Variants in PSMF1 observed in about 807,000 individuals in gnomAD.
PSMF1 encodes proteasome inhibitor PI31 subunit.
A neutral mutation model predicts 29.3 loss-of-function variants in PSMF1; 30 were observed. That is an observed-to-expected ratio of 1.02 (90% CI 0.77 to 1.39). PSMF1 has a LOEUF of 1.39. PSMF1 is among the 40% of genes most tolerant of loss of function. The pLI is 0.00. For synonymous variants in PSMF1, 134 were observed against 139.7 expected, an observed-to-expected ratio of 0.96 and a Z score of 0.29; for missense variants, 344 against 357.5, an observed-to-expected ratio of 0.96 and a Z score of 0.31.
chr20:1,131,164 C>T (rs896099604), intron 3 of PSMF1, among the ~76,000 whole-genome samples: 9 of 152,268 alleles, frequency 5.9e-5, no homozygotes, highest in African/African-American at 1.9e-4. Flanking sequence ...GGTCTCTTGA[C>T]TTCTTCACTC....
intron 3 of PSMF1, among the ~76,000 whole-genome samples, chr20:1,127,981 T>C (rs551232134): frequency 2.0e-5 from 3 of 151,422 alleles, no homozygotes; most frequent in East Asian, 2.0e-4. Flanking sequence ...ATCCCATACA[T>C]AATGATTCAT....
rs146589863 is a variant in PSMF1, at chr20:1,146,225, G to A, written c.551+10919G>A. On this transcript the variant is annotated intron_variant, in intron 4 of 6. Coordinates refer to ENST00000335877, the MANE Select transcript of PSMF1 (RefSeq NM_006814.5). ...GTGCTGCCTGAGTTGTGTCTTCACC[G>A]GAAAGGGAATTATTTCTTAAACTCT... 6.5e-3 allele frequency among the ~76,000 whole-genome samples: 994 copies of A among 152,142 alleles called. 5 individuals carry two copies. The highest frequency in any genetic ancestry group is 0.011 in the Non-Finnish European group (719 of 67,996).
In PSMF1 at chr20:1,163,001, C is replaced by A; in HGVS notation, c.552-129C>A. 2.1e-6 allele frequency: 2 copies of A among 931,842 alleles called. No individual in the cohort carries two copies. The highest frequency in any genetic ancestry group is 3.4e-6 in the Non-Finnish European group (2 of 596,314). The allele number at this position is 931,842 out of a possible 1,614,324, so 57.7% of individuals were successfully genotyped here. On this transcript the variant is annotated intron_variant, in intron 4 of 6. Coordinates refer to ENST00000335877, the MANE Select transcript of PSMF1 (RefSeq NM_006814.5). This position sits in a 1 kb window ranked among gnomAD's most constrained non-coding sequence, Gnocchi z 6.1. ...ATTGTTCATCTGAGCCAAGGACCAC[C>A]CTGAAATATCCCTTGTGCTATGGTC...
chr20:1,144,841 A>G (rs2086429155), intron 4 of PSMF1, among the ~76,000 whole-genome samples: 1 of 152,212 alleles, frequency 6.6e-6, no homozygotes, highest in South Asian at 2.1e-4. Flanking sequence ...TAACTATTAG[A>G]GGAAACTGAG....
chr20:1,134,691 C>T (rs1244964984), intron 3 of PSMF1: 2 of 283,884 alleles, frequency 7.0e-6, no homozygotes, highest in Non-Finnish European at 1.4e-5. Context: ...CCTTGAACCC[C>T]CAGAGCTCTG....
rs946884769 is a variant in PSMF1, at chr20:1,135,301, T to C, written c.546T>C (p.Pro182=). The C allele has an allele frequency of 6.2e-7, 1 of 1,610,968 alleles. No individual in the cohort carries two copies. The highest frequency in any genetic ancestry group is 8.5e-7 in the Non-Finnish European group (1 of 1,178,336). The change falls in exon 4 of 7, where the codon CCT becomes CCC. Residue 182 remains proline (P), a synonymous_variant. Coordinates refer to ENST00000335877, the MANE Select transcript of PSMF1 (RefSeq NM_006814.5). ...ACCACCCACACACCAGTCGGCAGCC[T>C]CCCTGGTGAGTACAGAGTGCCTAGC... ...PPHHPHTSRQ[P]PWCDPLGPFV... is the part of the protein sequence containing the mutation.
In PSMF1 at chr20:1,168,523, C is replaced by G. The variant is rs562300115; in HGVS notation, c.*3443C>G. ...TTCTTACTGCATTCATCTCCTCAGT[C>G]ATAAGTGTCTGTCAACCTCCGTTGT... is the stretch of plus-strand genomic sequence containing the variant. On this transcript the variant is annotated 3_prime_UTR_variant, in exon 7 of 7. Transcript: ENST00000335877. 1 of 152,434 alleles carries G rather than the reference C, an allele frequency of 6.6e-6. No homozygotes were observed. The highest frequency in any genetic ancestry group is 1.9e-4 in the East Asian group (1 of 5,184). 9.4% of individuals were successfully genotyped at this position (152,434 alleles called of 1,614,324 possible). A position where few individuals can be genotyped will look rare whatever the true frequency, so the allele number is the denominator to read the frequency against.
intron 3 of PSMF1, among the ~76,000 whole-genome samples, chr20:1,132,220 T>C (rs1014910622): frequency 2.0e-5 from 3 of 152,124 alleles, no homozygotes; most frequent in Admixed American, 6.6e-5. Context: ...AAGGTAGTTG[T>C]AGCTATTCTA....
At position 1,165,872 on chromosome 20, in the gene PSMF1, G is replaced by A; in HGVS notation, c.*792G>A. On this transcript the variant is annotated 3_prime_UTR_variant, in exon 7 of 7. Transcript: ENST00000335877. ...AGACCTGAAGGCTAATCTTATTTTT[G>A]CCACTAACTTAGTGAATGACCCTAA... The A allele has an allele frequency of 8.6e-7, 1 of 1,169,374 alleles. No individual in the cohort carries two copies. Among genetic ancestry groups the A allele is most frequent in the South Asian group, 2.6e-5 (1 of 37,944 alleles). The allele number at this position is 1,169,374 out of a possible 1,614,324, so 72.4% of individuals were successfully genotyped here. A position where few individuals can be genotyped will look rare whatever the true frequency, so the allele number is the denominator to read the frequency against.
intron 4 of PSMF1, among the ~76,000 whole-genome samples, chr20:1,143,630 TC>T (rs1347667880): frequency 2.6e-5 from 4 of 152,334 alleles, no homozygotes; most frequent in Middle Eastern, 3.4e-3. Context: ...AAATTGGACT[TC>T]ATTGAAATTT....
In PSMF1 at chr20:1,163,332, A is replaced by T. The variant is rs2086689704; in HGVS notation, c.605+149A>T. On this transcript the variant is annotated intron_variant, in intron 5 of 6. Transcript: ENST00000335877. The surrounding 1 kb of genome is among the most constrained non-coding windows in gnomAD (Gnocchi z 6.1). Reference sequence around the variant, plus strand: ...GCTGAGCAGCTGAGAAAGCACTGCCACATACGCTGCCCCTCCACACCTAGA... The same window carrying T: ...GCTGAGCAGCTGAGAAAGCACTGCCTCATACGCTGCCCCTCCACACCTAGA... 2 of 857,982 alleles carry T rather than the reference A, an allele frequency of 2.3e-6. No homozygotes were observed. 53.1% of individuals were successfully genotyped at this position (857,982 alleles called of 1,614,324 possible).
In PSMF1 at chr20:1,127,434, C is replaced by T; in HGVS notation, c.291C>T (p.Gly97=). 6.2e-7 allele frequency: 1 copy of T among 1,602,804 alleles called. No individual in the cohort carries two copies. Among genetic ancestry groups the T allele is most frequent in the Non-Finnish European group, 8.5e-7 (1 of 1,169,672 alleles). ...SSMILNVLEY[G]SQQVADLTLN... is the part of the protein sequence containing the mutation. ...TATTTTCACCCATCTAGGAATATGG[C>T]TCACAGCAAGTGGCAGACTTGACCC... Residue 97 remains glycine, a synonymous_variant, in exon 3 of 7, where the codon GGC becomes GGT. Coordinates refer to ENST00000335877, the MANE Select transcript of PSMF1 (RefSeq NM_006814.5).
intron 4 of PSMF1, among the ~76,000 whole-genome samples, chr20:1,151,018 C>T (rs1027368773): frequency 6.6e-6 from 1 of 152,238 alleles, no homozygotes; most frequent in Admixed American, 6.5e-5. Flanking sequence ...AGATTATCCT[C>T]TACCTATGTT....
chr20:1,135,725 G>A (rs2086297893), intron 4 of PSMF1, among the ~76,000 whole-genome samples: 1 of 152,220 alleles, frequency 6.6e-6, no homozygotes, highest in East Asian at 1.9e-4. Context: ...CAGAGGAGAT[G>A]CAGTCCCAGT....
At chr20:1,136,833 T>G (rs2086312885) in intron 4 of PSMF1, among the ~76,000 whole-genome samples, 1 of 152,252 alleles carries the variant, frequency 6.6e-6, no homozygotes, top group African/African-American at 2.4e-5. Flanking sequence ...TTAGGAGAAT[T>G]GCAAACAAAA....
chr20:1,137,480 A>G (rs1015065579), intron 4 of PSMF1, among the ~76,000 whole-genome samples: 1 of 152,216 alleles, frequency 6.6e-6, no homozygotes, highest in Non-Finnish European at 1.5e-5. Context: ...CTCAATCTAG[A>G]TCTAACTCCC....
intron 4 of PSMF1, among the ~76,000 whole-genome samples, chr20:1,141,817 G>C (rs978890115): frequency 3.3e-5 from 5 of 152,144 alleles, no homozygotes; most frequent in Non-Finnish European, 5.9e-5. Context: ...GTTTGACCAG[G>C]TTGCCAGATA....
intron 1 of PSMF1, among the ~76,000 whole-genome samples, chr20:1,125,208 G>C (rs2086138984): frequency 6.6e-6 from 1 of 152,194 alleles, no homozygotes; most frequent in Admixed American, 6.5e-5. Context: ...ATTCTTAGCA[G>C]TGGGATGGGG....
intron 4 of PSMF1, chr20:1,160,576 C>A (rs773386181): frequency 2.8e-5 from 13 of 470,610 alleles, no homozygotes; most frequent in Non-Finnish European, 3.9e-5. Context: ...GCTCCTCCAC[C>A]GATCACAATG....
Sources: gnomAD v4.1 joint callset for allele counts (sites outside exome capture counted in the v4.1 genomes callset) on GRCh38, gnomAD v4.1.1 for gene constraint, Gnocchi (gnomAD v3.1) non-coding constraint, MANE v1.5 for transcripts, NCBI Gene and HGNC (gene_info 2026-07-23, HGNC 2026-07-21) for gene names.